CCDC63: variants seen among roughly 807,000 people sequenced by gnomAD.
CCDC63 encodes coiled-coil domain-containing protein 63.
CCDC63 carries 54 observed loss-of-function variants against 63.6 expected under a neutral mutation model. The ratio of observed to expected loss-of-function variants is 0.85; its 90% CI spans 0.68 to 1.07. The LOEUF (loss-of-function observed/expected upper bound fraction) is 1.07. CCDC63 is among the 50% of genes least tolerant of loss of function. CCDC63 has a pLI of 0.00. For synonymous variants in CCDC63, 253 were observed against 266.1 expected (o/e 0.95, Z 0.48); for missense variants, 637 against 689.6 (o/e 0.92, Z 0.86).
intron 4 of CCDC63, among the ~76,000 whole-genome samples, chr12:110,863,832 T>C (rs1403152282): frequency 6.6e-6 from 1 of 152,210 alleles, no homozygotes; most frequent in East Asian, 1.9e-4. Flanking sequence ...TGAGCCACCA[T>C]GTCCAACCTC....
chr12:110,876,766 G>A (rs1725991910), intron 5 of CCDC63, among the ~76,000 whole-genome samples: 1 of 151,754 alleles, frequency 6.6e-6, no homozygotes, highest in Admixed American at 6.6e-5. Context: ...AGATGTGGTG[G>A]CTCACATCTA....
chr12:110,855,493 T>G (rs2070759336), intron 3 of CCDC63, among the ~76,000 whole-genome samples: 1 of 152,210 alleles, frequency 6.6e-6, no homozygotes, highest in African/African-American at 2.4e-5. Flanking sequence ...CTTCTGGCTC[T>G]ACTAAGTCAA....
intron 5 of CCDC63, among the ~76,000 whole-genome samples, chr12:110,878,531 T>C (rs1566127945): frequency 6.6e-6 from 1 of 152,162 alleles, no homozygotes. Context: ...GCCAGGCTGG[T>C]CTTGAACTCC....
intron 10 of CCDC63, among the ~76,000 whole-genome samples, chr12:110,902,105 A>T (rs898042576): frequency 2.0e-5 from 3 of 152,190 alleles, no homozygotes; most frequent in African/African-American, 7.2e-5. Context: ...TGCTGGGATT[A>T]CAGGTGTGAG....
At chr12:110,893,211 C>T (rs893949699) in intron 9 of CCDC63, 61 bp downstream of exon 9, 40 of 1,396,266 alleles carry the variant, frequency 2.9e-5, no homozygotes, top group Admixed American at 8.7e-5. Flanking sequence ...CTGTGTCTGA[C>T]GGGAGCTTCT....
chr12:110,870,227 G>A (rs759268765), intron 4 of CCDC63, among the ~76,000 whole-genome samples: 3 of 151,996 alleles, frequency 2.0e-5, no homozygotes, highest in African/African-American at 4.8e-5. Flanking sequence ...AATTACAGGC[G>A]CCCACCACCA....
chr12:110,873,742 T>A, intron 4 of CCDC63, 100 bp from the exon 5 acceptor site: 1 of 1,459,864 alleles, frequency 6.8e-7, no homozygotes, highest in Non-Finnish European at 9.3e-7. Flanking sequence ...CTGGTACCCA[T>A]ACAGATGCTA....
Position 110,873,373 on chromosome 12 carries a change from G to A in CCDC63, c.370-469G>A, listed in dbSNP as rs74694305. ...GCCTGGTGCTATCTCACATGTTGCAGGGTATGTGACCTCTCGTGACCCACC... is the reference window on the plus strand; with the variant it reads ...GCCTGGTGCTATCTCACATGTTGCAAGGTATGTGACCTCTCGTGACCCACC... On this transcript the variant is annotated intron_variant, in intron 4 of 11. Transcript: ENST00000308208. Among the ~76,000 whole-genome samples, 729 of 152,356 alleles carry A rather than the reference G, an allele frequency of 4.8e-3. 9 individuals are homozygous for A. Among genetic ancestry groups the A allele is most frequent in the African/African-American group, 0.017 (700 of 41,588 alleles).
At chr12:110,887,058 A>C (rs2071291494) in intron 8 of CCDC63, among the ~76,000 whole-genome samples, 1 of 152,166 alleles carries the variant, frequency 6.6e-6, no homozygotes, top group Non-Finnish European at 1.5e-5. Flanking sequence ...CTCCAAGTCC[A>C]AACTCTTTTT....
At chr12:110,896,659 G>T (rs896871204) in intron 9 of CCDC63, among the ~76,000 whole-genome samples, 1 of 152,190 alleles carries the variant, frequency 6.6e-6, no homozygotes, top group African/African-American at 2.4e-5. Context: ...GTGATCCTCA[G>T]TCCAGCTGCA....
chr12:110,848,063 C>T (rs932498213), intron 1 of CCDC63, among the ~76,000 whole-genome samples: 1 of 152,234 alleles, frequency 6.6e-6, no homozygotes, highest in Admixed American at 6.5e-5. Flanking sequence ...TCCTCGCACA[C>T]GCTGTTCCCC....
chr12:110,904,930 C>A (rs1592793095), intron 11 of CCDC63, 139 bp downstream of exon 11: 1 of 587,762 alleles, frequency 1.7e-6, no homozygotes, highest in Non-Finnish European at 2.8e-6. Context: ...TTGTGGCCTG[C>A]CAGTTCCCTT....
intron 4 of CCDC63, 58 bp downstream of exon 4, chr12:110,858,833 G>T: frequency 1.4e-6 from 2 of 1,477,440 alleles, no homozygotes; most frequent in Non-Finnish European, 1.9e-6. Context: ...AGGAGTTGGG[G>T]TGCATATTCG....
At position 110,906,069 on chromosome 12, in the gene CCDC63, C is replaced by CT. The variant is rs1398472520; in HGVS notation, c.1547-1253dup. Among the ~76,000 whole-genome samples, 140 of 85,342 alleles carry CT rather than the reference C, an allele frequency of 1.6e-3. 1 individual carries two copies. The highest frequency in any genetic ancestry group is 6.5e-3 in the African/African-American group (137 of 21,118). The allele number at this position is 85,342 out of a possible 152,430, so 56.0% of individuals were successfully genotyped here. A position where few individuals can be genotyped will look rare whatever the true frequency, so the allele number is the denominator to read the frequency against. On this transcript the variant is annotated intron_variant, in intron 11 of 11. Coordinates refer to ENST00000308208, the MANE Select transcript of CCDC63 (RefSeq NM_152591.3). ...ATATAATATATATATAATATATATA[C>CT]TTTTTTTTTGCCAGTAGTCCTCAGT...
chr12:110,845,149 G>A (rs1036241075), upstream of CCDC63, among the ~76,000 whole-genome samples: 3 of 152,282 alleles, frequency 2.0e-5, no homozygotes, highest in Non-Finnish European at 4.4e-5. Flanking sequence ...TGAGAGCTGC[G>A]CCCATAAAGA....
intron 8 of CCDC63, among the ~76,000 whole-genome samples, chr12:110,888,116 C>T (rs2071308117): frequency 6.6e-6 from 1 of 152,180 alleles, no homozygotes; most frequent in East Asian, 1.9e-4. Context: ...ACCAGCCAGG[C>T]TGAAGTGCTC....
chr12:110,895,635 T>G (rs2071408307), intron 9 of CCDC63, among the ~76,000 whole-genome samples: 1 of 152,224 alleles, frequency 6.6e-6, no homozygotes, highest in Non-Finnish European at 1.5e-5. Context: ...CCTAGCTCTG[T>G]GACGTTGAGG....
chr12:110,849,420 C>A (rs1470842951), intron 1 of CCDC63, among the ~76,000 whole-genome samples: 2 of 151,970 alleles, frequency 1.3e-5, no homozygotes, highest in Non-Finnish European at 2.9e-5. Context: ...GGGAGGGTTG[C>A]CACTGAACCA....
intron 11 of CCDC63, among the ~76,000 whole-genome samples, chr12:110,906,795 G>C (rs1021261822): frequency 1.3e-5 from 2 of 152,092 alleles, no homozygotes; most frequent in Non-Finnish European, 2.9e-5. Context: ...CTAAAAGGTT[G>C]GGGGGAGAGG....
Sources: gnomAD v4.1 joint callset for allele counts (sites outside exome capture counted in the v4.1 genomes callset) on GRCh38, gnomAD v4.1.1 for gene constraint, MANE v1.5 for transcripts, NCBI Gene and HGNC (gene_info 2026-07-23, HGNC 2026-07-21) for gene names.